Variants in TUBA4B observed in about 807,000 individuals in gnomAD.
TUBA4B encodes tubulin alpha 4b, also known as tubulin-like protein alpha-4B.
TUBA4B carries 13 observed loss-of-function variants against 18.4 expected under a neutral mutation model. The ratio of observed to expected loss-of-function variants is 0.71; its 90% CI spans 0.46 to 1.12. TUBA4B has a LOEUF of 1.12. Ranked by LOEUF, TUBA4B falls within the 50% of genes most tolerant of loss-of-function variation. The pLI, the probability that TUBA4B is intolerant of heterozygous loss-of-function variation, is 0.00. For missense variants in TUBA4B, 244 were observed against 250.0 expected (o/e 0.98, Z 0.16); for synonymous variants, 101 against 99.1 (o/e 1.02, Z -0.11).
chr2:219,253,959 G>T (rs1003587852), intron 1 of TUBA4B: 1 of 1,147,326 alleles, frequency 8.7e-7, no homozygotes. Context: ...GCGGGGGGGG[G>T]GCGGGGCCCG....
chr2:219,257,641 C>CAAAA (rs1158116997), intron 1 of TUBA4B, among the ~76,000 whole-genome samples: 6 of 41,494 alleles, frequency 1.4e-4, no homozygotes, highest in African/African-American at 5.1e-4. Context: ...GACACTGTCT[C>CAAAA]AAAAAAAAAA....
At position 219,266,581 on chromosome 2, in the gene TUBA4B, C is replaced by T. The variant is rs913923558; in HGVS notation, c.58+15C>T. 8.5e-6 allele frequency: 6 copies of T among 702,766 alleles called. No homozygotes were observed. Among genetic ancestry groups the T allele is most frequent in the Non-Finnish European group, 1.6e-5 (6 of 384,948 alleles). 43.5% of individuals were successfully genotyped at this position (702,766 alleles called of 1,614,324 possible). ...CAGGCAGCATGGTGAGTAGAAGGGG[C>T]CTTGGGGGGACTGAGCATGCAAGTG... On this transcript the variant is annotated intron_variant, in intron 2 of 3. Coordinates refer to ENST00000490341, the MANE Select transcript of TUBA4B (RefSeq NM_001355221.1).
At position 219,253,352 on chromosome 2, in the gene TUBA4B, C is replaced by G; in HGVS notation, c.-56C>G. ...TCAGCTCAGACGCGGGGTGCTGAGT[C>G]ACGGGGGGGGGGTGGTTCTGTGGAT... On this transcript the variant is annotated 5_prime_UTR_variant, in exon 1 of 4. Coordinates refer to ENST00000490341, the MANE Select transcript of TUBA4B (RefSeq NM_001355221.1). 4 of 1,524,652 alleles carry G rather than the reference C, an allele frequency of 2.6e-6. No individual in the cohort carries two copies. The highest frequency in any genetic ancestry group is 2.5e-5 in the East Asian group (1 of 40,604). The allele number at this position is 1,524,652 out of a possible 1,614,324, so 94.4% of individuals were successfully genotyped here.
At chr2:219,259,154 A>G (rs1003117620) in intron 1 of TUBA4B, among the ~76,000 whole-genome samples, 16 of 148,712 alleles carry the variant, frequency 1.1e-4, no homozygotes, top group African/African-American at 4.0e-4. Flanking sequence ...AAATAAATAA[A>G]TAAATAAATA....
rs776610851 is a variant in TUBA4B, at chr2:219,271,345, C to T, written c.372C>T (p.Tyr124=). 13 of 1,613,774 alleles carry T rather than the reference C, an allele frequency of 8.1e-6. No individual in the cohort carries two copies. Among genetic ancestry groups the T allele is most frequent in the Middle Eastern group, 3.3e-4 (2 of 6,060 alleles). ...TGTCTACAGCCATGGTCCAGCCCTACAACTCTATCCTGACCACCCACACCA... is the reference window on the plus strand; with the variant it reads ...TGTCTACAGCCATGGTCCAGCCCTATAACTCTATCCTGACCACCCACACCA... The part of the protein sequence containing the change: ...PQVSTAMVQP[Y]NSILTTHTTL... The change falls in exon 4 of 4, where the codon TAC becomes TAT. Residue 124 remains tyrosine, a synonymous_variant. Transcript: ENST00000490341.
chr2:219,261,645 C>T (rs952205524), intron 1 of TUBA4B, among the ~76,000 whole-genome samples: 1 of 152,226 alleles, frequency 6.6e-6, no homozygotes, highest in Non-Finnish European at 1.5e-5. Context: ...AGCTACTTCT[C>T]ACCACCCCCT....
At chr2:219,255,230 CTTATT>C (rs1951708175) in intron 1 of TUBA4B, among the ~76,000 whole-genome samples, 1 of 152,152 alleles carries the variant, frequency 6.6e-6, no homozygotes, top group African/African-American at 2.4e-5. Context: ...CCATGCCCAG[CTTATT>C]TTATTTATTT....
intron 1 of TUBA4B, among the ~76,000 whole-genome samples, chr2:219,261,335 GT>G (rs1951758540): frequency 1.3e-5 from 2 of 152,268 alleles, no homozygotes; most frequent in Admixed American, 1.3e-4. Flanking sequence ...TCCCACATCT[GT>G]TTTTATCAGG....
intron 1 of TUBA4B, among the ~76,000 whole-genome samples, chr2:219,260,017 TC>T (rs1310423149): frequency 6.6e-6 from 1 of 152,204 alleles, no homozygotes; most frequent in African/African-American, 2.4e-5. Flanking sequence ...TCTTCATCTT[TC>T]TTAGCCGCTC....
intron 1 of TUBA4B, among the ~76,000 whole-genome samples, chr2:219,256,963 A>T (rs1228459871): frequency 6.6e-6 from 1 of 151,900 alleles, no homozygotes; most frequent in Non-Finnish European, 1.5e-5. Context: ...AAAGTCGAGG[A>T]ATAGATTCTC....
chr2:219,266,179 T>C, intron 1 of TUBA4B: 1 of 263,422 alleles, frequency 3.8e-6, no homozygotes. Flanking sequence ...GTGCTGGAGC[T>C]CAGGGTCTTG....
rs1434810501 is a variant in TUBA4B at position 219,272,129 on chromosome 2, A to G, written c.*430A>G. 2.9e-6 allele frequency: 2 copies of G among 682,504 alleles called. No individual in the cohort carries two copies. Among genetic ancestry groups the G allele is most frequent in the Non-Finnish European group, 5.1e-6 (2 of 395,720 alleles). 42.3% of individuals were successfully genotyped at this position (682,504 alleles called of 1,614,324 possible). A position where few individuals can be genotyped will look rare whatever the true frequency, so the allele number is the denominator to read the frequency against. ...GTGTGGAGTGGGGGGAAGAAAAGAT[A>G]GGGGGGATGAATACTAGGGGAATAC... On this transcript the variant is annotated 3_prime_UTR_variant, in exon 4 of 4. Coordinates refer to ENST00000490341, the MANE Select transcript of TUBA4B (RefSeq NM_001355221.1).
chr2:219,271,750 G>T lies in TUBA4B; in HGVS notation c.*51G>T. The T allele has an allele frequency of 1.2e-6, 2 of 1,611,578 alleles. No homozygotes were observed. The highest frequency in any genetic ancestry group is 1.7e-6 in the Non-Finnish European group (2 of 1,177,594). The stretch of plus-strand genomic sequence containing the variant: ...CATGGCCTGCTGCCTGCTATACCAT[G>T]GAGATGTGGTGCCCAAGGATGTCAA... On this transcript the variant is annotated 3_prime_UTR_variant, in exon 4 of 4. Coordinates refer to ENST00000490341, the MANE Select transcript of TUBA4B (RefSeq NM_001355221.1).
chr2:219,256,915 C>T (rs1431181507), intron 1 of TUBA4B, among the ~76,000 whole-genome samples: 2 of 151,888 alleles, frequency 1.3e-5, no homozygotes, highest in Admixed American at 6.6e-5. Context: ...GGATAGGGGC[C>T]ATGAGTAAAA....
intron 2 of TUBA4B, among the ~76,000 whole-genome samples, chr2:219,267,971 G>A (rs192394289): frequency 1.3e-5 from 2 of 152,326 alleles, no homozygotes; most frequent in East Asian, 3.9e-4. Flanking sequence ...CCAGGACGAT[G>A]TCTGGGTCTG....
At chr2:219,258,003 T>G (rs1164566354) in intron 1 of TUBA4B, among the ~76,000 whole-genome samples, 1 of 147,188 alleles carries the variant, frequency 6.8e-6, no homozygotes, top group Non-Finnish European at 1.5e-5. Flanking sequence ...TTTTTTTTTT[T>G]TTTGAGACAG....
chr2:219,265,326 C>G (rs990533305), intron 1 of TUBA4B, among the ~76,000 whole-genome samples: 1 of 152,102 alleles, frequency 6.6e-6, no homozygotes, highest in Non-Finnish European at 1.5e-5. Flanking sequence ...AAAGGAGGTA[C>G]GGAGAGAAGG....
At chr2:219,266,745 G>C (rs182768813) in intron 2 of TUBA4B, among the ~76,000 whole-genome samples, 179 bp downstream of exon 2, 2 of 152,244 alleles carry the variant, frequency 1.3e-5, no homozygotes, top group South Asian at 2.1e-4. Flanking sequence ...GTGCAGGTGT[G>C]GGGGGCATCA....
chr2:219,262,400 T>C (rs1951765272), intron 1 of TUBA4B, among the ~76,000 whole-genome samples: 1 of 152,224 alleles, frequency 6.6e-6, no homozygotes, highest in African/African-American at 2.4e-5. Flanking sequence ...TAGCAGCCCC[T>C]GCATATCTTT....
Sources: allele counts gnomAD v4.1 joint callset (sites outside exome capture counted in the v4.1 genomes callset), GRCh38; gene constraint gnomAD v4.1.1; transcripts MANE v1.5; gene names NCBI Gene and HGNC (gene_info 2026-07-23, HGNC 2026-07-21).